The following FARS2 variants were observed in gnomAD, a reference collection of about 807,000 sequenced individuals.
FARS2 encodes the protein phenylalanine--tRNA ligase, mitochondrial.
FARS2 carries 40 observed loss-of-function variants against 46.4 expected under a neutral mutation model. The observed-to-expected ratio is 0.86, with a 90% confidence interval of 0.67 to 1.12. FARS2 has a LOEUF of 1.12. FARS2 is among the 50% of genes most tolerant of loss of function. FARS2 has a pLI of 0.00. For missense variants in FARS2, 513 were observed against 567.9 expected (o/e 0.90, Z 0.98); for synonymous variants, 234 against 214.9 (o/e 1.09, Z -0.78).
intron 1 of FARS2, among the ~76,000 whole-genome samples, chr6:5,362,702 T>A (rs913553906): frequency 1.3e-5 from 2 of 152,192 alleles, no homozygotes; most frequent in Non-Finnish European, 2.9e-5. Context: ...CCACCAACAG[T>A]GTACAGTGGT....
chr6:5,659,900 T>G (rs1777772541), intron 6 of FARS2, among the ~76,000 whole-genome samples: 1 of 152,226 alleles, frequency 6.6e-6, no homozygotes. Context: ...CGAAGGAACT[T>G]TACAATGCAC....
At chr6:5,328,673 C>T (rs994150157) in intron 1 of FARS2, among the ~76,000 whole-genome samples, 22 of 151,964 alleles carry the variant, frequency 1.4e-4, no homozygotes, top group African/African-American at 4.8e-4. Flanking sequence ...TATGGTATCT[C>T]GGTGACTCCT....
chr6:5,514,842 A>G (rs546717545), intron 4 of FARS2, among the ~76,000 whole-genome samples: 55 of 151,976 alleles, frequency 3.6e-4, no homozygotes, highest in Admixed American at 3.4e-3. Flanking sequence ...ACATGGCTCA[A>G]CTGCAGCCTC....
chr6:5,705,375 G>T (rs1050021033), intron 6 of FARS2, among the ~76,000 whole-genome samples: 3 of 152,226 alleles, frequency 2.0e-5, no homozygotes, highest in African/African-American at 7.2e-5. Flanking sequence ...GAGGCCATGC[G>T]AAATGAGTTG....
intron 5 of FARS2, among the ~76,000 whole-genome samples, chr6:5,548,895 T>C (rs1771198957): frequency 6.6e-6 from 1 of 152,240 alleles, no homozygotes; most frequent in South Asian, 2.1e-4. Context: ...GATTTGTACA[T>C]TCATATTTAG....
chr6:5,534,667 G>A, intron 4 of FARS2, among the ~76,000 whole-genome samples: 1 of 152,156 alleles, frequency 6.6e-6, no homozygotes, highest in Non-Finnish European at 1.5e-5. Flanking sequence ...TCTGTTGACA[G>A]ACACTTGAGT....
chr6:5,320,560 A>T (rs1769898460), intron 1 of FARS2, among the ~76,000 whole-genome samples: 1 of 152,230 alleles, frequency 6.6e-6, no homozygotes, highest in African/African-American at 2.4e-5. Context: ...TTTTAACATC[A>T]ACATTTATTT....
chr6:5,476,254 A>T (rs886337401), intron 4 of FARS2, among the ~76,000 whole-genome samples: 1 of 152,116 alleles, frequency 6.6e-6, no homozygotes, highest in South Asian at 2.1e-4. Context: ...GTTTTGTGAG[A>T]TGTTATCTCC....
intron 5 of FARS2, among the ~76,000 whole-genome samples, chr6:5,549,288 C>T (rs1185569948): frequency 1.3e-5 from 2 of 151,936 alleles, no homozygotes; most frequent in African/African-American, 2.4e-5. Flanking sequence ...CCCATTAACT[C>T]GTCATTTACA....
intron 3 of FARS2, among the ~76,000 whole-genome samples, chr6:5,413,517 C>T (rs1463122201): frequency 6.6e-6 from 1 of 152,134 alleles, no homozygotes; most frequent in Non-Finnish European, 1.5e-5. Context: ...TCTCCTTCTA[C>T]TCTTTAGGTT....
At chr6:5,348,295 C>T (rs1020635799) in intron 1 of FARS2, among the ~76,000 whole-genome samples, 7 of 151,822 alleles carry the variant, frequency 4.6e-5, no homozygotes, top group Non-Finnish European at 8.8e-5. Flanking sequence ...CACATTTGGT[C>T]ACTAGTCTTT....
At chr6:5,715,627 C>A (rs1324475690) in intron 6 of FARS2, among the ~76,000 whole-genome samples, 1 of 152,140 alleles carries the variant, frequency 6.6e-6, no homozygotes, top group African/African-American at 2.4e-5. Context: ...TGTCAAGGTT[C>A]ATTCATATTA....
chr6:5,538,148 C>CAA lies in FARS2; in HGVS notation c.905-7015_905-7014dup, dbSNP rs34273142. Among the ~76,000 whole-genome samples the CAA allele has an allele frequency of 6.7e-3, 722 of 108,106 alleles. 9 individuals are homozygous for CAA. The East Asian group carries it at 0.092, about 14-fold the overall frequency. The allele number at this position is 108,106 out of a possible 152,430, so 70.9% of individuals were successfully genotyped here. On this transcript the variant is annotated intron_variant, in intron 4 of 6. Coordinates refer to ENST00000274680, the MANE Select transcript of FARS2 (RefSeq NM_006567.5). ...GGAACTCACTAGTTTTGGAATGAGG[C>CAA]AAAAAAAAAAAAAAAAAATACTGCC...
At chr6:5,457,726 A>T (rs1451976382) in intron 4 of FARS2, among the ~76,000 whole-genome samples, 1 of 152,212 alleles carries the variant, frequency 6.6e-6, no homozygotes, top group African/African-American at 2.4e-5. Flanking sequence ...AAATAAACAT[A>T]GGGTTTTTAT....
intron 1 of FARS2, among the ~76,000 whole-genome samples, chr6:5,365,320 T>TC (rs1374030887): frequency 1.1e-5 from 1 of 88,308 alleles, no homozygotes; most frequent in Non-Finnish European, 2.2e-5. Context: ...ATACTTTCTT[T>TC]TTTTTTTTTT....
At chr6:5,607,994 T>C (rs915603492) in intron 5 of FARS2, among the ~76,000 whole-genome samples, 1 of 152,086 alleles carries the variant, frequency 6.6e-6, no homozygotes, top group African/African-American at 2.4e-5. Context: ...TTTTTTTTTT[T>C]TTTTTAGTTT....
chr6:5,723,279 A>G (rs1760028390), intron 6 of FARS2, among the ~76,000 whole-genome samples: 1 of 152,282 alleles, frequency 6.6e-6, no homozygotes, highest in African/African-American at 2.4e-5. Flanking sequence ...CAAAGCTCAT[A>G]TCTATATATT....
rs543517417 is a variant in FARS2 at position 5,750,720 on chromosome 6, C to T, written c.1218-20571C>T. ...ACAGGATTGGTGTGAATGCAGGAGGCGGGGGAGTTGTGATTTTGGTGGCAG... is the reference window on the plus strand; with the variant it reads ...ACAGGATTGGTGTGAATGCAGGAGGTGGGGGAGTTGTGATTTTGGTGGCAG... On this transcript the variant is annotated intron_variant, in intron 6 of 6. Transcript: ENST00000274680. 1.9e-4 allele frequency among the ~76,000 whole-genome samples: 28 copies of T among 150,752 alleles called. No individual in the cohort carries two copies. The East Asian group carries it at 4.5e-3, about 24-fold the overall frequency.
chr6:5,722,689 A>T (rs760470277), intron 6 of FARS2, among the ~76,000 whole-genome samples: 3 of 152,100 alleles, frequency 2.0e-5, no homozygotes, highest in Non-Finnish European at 2.9e-5. Flanking sequence ...GGCCTGAGGA[A>T]CCAAGGTGAG....
Sources: allele counts gnomAD v4.1 joint callset (sites outside exome capture counted in the v4.1 genomes callset), GRCh38; gene constraint gnomAD v4.1.1; transcripts MANE v1.5; gene names NCBI Gene and HGNC (gene_info 2026-07-23, HGNC 2026-07-21).